PDE12: variants seen among roughly 807,000 people sequenced by gnomAD.
The protein encoded by PDE12 is phosphodiesterase 12.
In PDE12, 26 loss-of-function variants were observed where a neutral mutation model predicts 45.4. The ratio of observed to expected loss-of-function variants is 0.57; its 90% CI spans 0.42 to 0.79. The LOEUF (loss-of-function observed/expected upper bound fraction) is 0.79, where lower values mean the gene tolerates loss of function less well. Ranked by LOEUF, PDE12 falls within the 30% of genes least tolerant of loss-of-function variation. The pLI is 0.00. For synonymous variants in PDE12, 283 were observed against 323.9 expected, an observed-to-expected ratio of 0.87 and a Z score of 1.36; for missense variants, 668 against 790.0, an observed-to-expected ratio of 0.85 and a Z score of 1.85.
chr3:57,563,291 C>A lies in PDE12; in HGVS notation c.*3287C>A, dbSNP rs550018945. The A allele has an allele frequency of 6.6e-6, 1 of 152,130 alleles. No individual in the cohort carries two copies. 9.4% of individuals were successfully genotyped at this position (152,130 alleles called of 1,614,324 possible). A position where few individuals can be genotyped will look rare whatever the true frequency, so the allele number is the denominator to read the frequency against. On this transcript the variant is annotated 3_prime_UTR_variant, in exon 3 of 3. Transcript: ENST00000311180. ...GGCTCAAATGATCCTCCTGCCTCAG[C>A]GTCCCAAGTAGTTGAGATTACAAGC...
chr3:57,620,415 T>G, the PDE12 span, among the ~76,000 whole-genome samples: 1 of 151,960 alleles, frequency 6.6e-6, no homozygotes, highest in Admixed American at 6.6e-5. Flanking sequence ...AAAAGAAAAT[T>G]TTTTAAAAAA....
the PDE12 span, among the ~76,000 whole-genome samples, chr3:57,584,838 G>A: frequency 6.8e-6 from 1 of 146,458 alleles, no homozygotes; most frequent in Non-Finnish European, 1.5e-5. Flanking sequence ...TAAATTCTAT[G>A]AACTACCAGC....
At chr3:57,618,450 T>A in the PDE12 span, among the ~76,000 whole-genome samples, 1 of 152,026 alleles carries the variant, frequency 6.6e-6, no homozygotes, top group Non-Finnish European at 1.5e-5. Flanking sequence ...TGAGACAGGG[T>A]CTCACTCTGT....
the PDE12 span, among the ~76,000 whole-genome samples, chr3:57,608,770 C>T: frequency 6.6e-6 from 1 of 152,166 alleles, no homozygotes; most frequent in Non-Finnish European, 1.5e-5. Flanking sequence ...GAGACTTAGA[C>T]TCCCACATAA....
the PDE12 span, among the ~76,000 whole-genome samples, chr3:57,587,518 AG>A: frequency 6.6e-6 from 1 of 151,970 alleles, no homozygotes; most frequent in Admixed American, 6.6e-5. Context: ...CTCTACTGAT[AG>A]GAATTTTTTT....
the PDE12 span, among the ~76,000 whole-genome samples, chr3:57,620,510 A>G: frequency 6.6e-6 from 1 of 152,222 alleles, no homozygotes; most frequent in Non-Finnish European, 1.5e-5. Context: ...AATAAAGGTC[A>G]TCCAGATTGG....
At position 57,563,104 on chromosome 3, in the gene PDE12, A is replaced by T. The variant is rs1328108935; in HGVS notation, c.*3100A>T. 1 of 152,232 alleles carries T rather than the reference A, an allele frequency of 6.6e-6. No homozygotes were observed. Among genetic ancestry groups the T allele is most frequent in the Non-Finnish European group, 1.5e-5 (1 of 68,040 alleles). 9.4% of individuals were successfully genotyped at this position (152,232 alleles called of 1,614,324 possible). ...TGGTTGGGATAAATCCAATATTTATATATAATGAAAAATAAAAGTTTGCAT... is the reference window on the plus strand; with the variant it reads ...TGGTTGGGATAAATCCAATATTTATTTATAATGAAAAATAAAAGTTTGCAT... On this transcript the variant is annotated 3_prime_UTR_variant, in exon 3 of 3. Coordinates refer to ENST00000311180, the MANE Select transcript of PDE12 (RefSeq NM_177966.7).
At chr3:57,598,069 C>T in the PDE12 span, 1 of 152,148 alleles carries the variant, frequency 6.6e-6, no homozygotes, top group Non-Finnish European at 1.5e-5. Context: ...GGAAGTCTTG[C>T]TTTTCTTGTA....
At chr3:57,614,548 T>G in the PDE12 span, among the ~76,000 whole-genome samples, 28 of 100,760 alleles carry the variant, frequency 2.8e-4, no homozygotes, top group Admixed American at 4.7e-4. Context: ...TTTTTTGTTT[T>G]TTTTTTTTTT....
At chr3:57,584,582 A>G in the PDE12 span, 1 of 842,706 alleles carries the variant, frequency 1.2e-6, no homozygotes, top group South Asian at 1.8e-5. Flanking sequence ...CTTCTAAATG[A>G]GTTAGAAATG....
the PDE12 span, among the ~76,000 whole-genome samples, chr3:57,585,197 T>G: frequency 6.6e-6 from 1 of 152,272 alleles, no homozygotes; most frequent in Admixed American, 6.5e-5. Flanking sequence ...AATTAGAAGT[T>G]GATTCAGACA....
chr3:57,557,495 G>A lies in PDE12; in HGVS notation c.1116G>A (p.Gly372=), dbSNP rs2069679072. Residue 372 remains glycine, a synonymous_variant, in exon 1 of 3, where the codon GGG becomes GGA. Transcript: ENST00000311180. ...CCCTAGAGGCCTTCGGGCTCGAGGG[G>A]GTGTTTCGAATCAAGCAGCACGAAG... ...VPALEAFGLE[G]VFRIKQHEGL... The A allele has an allele frequency of 3.1e-6, 5 of 1,613,980 alleles. No individual in the cohort carries two copies. Among genetic ancestry groups the A allele is most frequent in the Non-Finnish European group, 4.2e-6 (5 of 1,180,006 alleles).
chr3:57,633,580 T>A, the PDE12 span, among the ~76,000 whole-genome samples: 1 of 152,132 alleles, frequency 6.6e-6, no homozygotes, highest in Non-Finnish European at 1.5e-5. Context: ...ATACTGTTCA[T>A]CCCATACTGT....
At chr3:57,634,149 C>A in the PDE12 span, among the ~76,000 whole-genome samples, 1 of 151,872 alleles carries the variant, frequency 6.6e-6, no homozygotes, top group Non-Finnish European at 1.5e-5. Context: ...AAAAGAGACC[C>A]TGGCAGGGCA....
chr3:57,628,020 C>T, the PDE12 span: 2 of 646,146 alleles, frequency 3.1e-6, no homozygotes, highest in South Asian at 5.8e-5. Flanking sequence ...AGTGGAACCA[C>T]CACAGATATC....
chr3:57,556,711 C>T lies in PDE12; in HGVS notation c.332C>T (p.Pro111Leu), dbSNP rs1187098865. The T allele has an allele frequency of 4.4e-6, 7 of 1,596,150 alleles. No individual in the cohort carries two copies. Among genetic ancestry groups the T allele is most frequent in the African/African-American group, 1.3e-5 (1 of 74,710 alleles). ...AGCGGCGGTGCGGCCTGTTCAGGGC[C>T]GGGGCCTGAGCCGGCTGTGTTCTGC... ...NASGGAACSG[P>L]GPEPAVFCEP... The change falls in exon 1 of 3, where the codon CCG (proline) becomes CTG (leucine). Residue 111 changes from proline (P) to leucine (L), a missense_variant. This residue lies in a region of PDE12 where 580 missense variants were observed against 662.9 expected (regional missense o/e 0.87). Coordinates refer to ENST00000311180, the MANE Select transcript of PDE12 (RefSeq NM_177966.7). This position sits in a 1 kb window ranked among gnomAD's most constrained non-coding sequence, Gnocchi z 5.0.
At chr3:57,588,438 T>C in the PDE12 span, among the ~76,000 whole-genome samples, 1 of 152,238 alleles carries the variant, frequency 6.6e-6, no homozygotes, top group Non-Finnish European at 1.5e-5. Context: ...CTGTGCATGG[T>C]GGCTCACACC....
At chr3:57,597,262 G>C in the PDE12 span, 5 of 984,376 alleles carry the variant, frequency 5.1e-6, no homozygotes, top group Non-Finnish European at 7.7e-6. Flanking sequence ...GGAAGAAAGA[G>C]GGAGGCAGAA....
chr3:57,616,421 G>A, the PDE12 span, among the ~76,000 whole-genome samples: 2 of 151,484 alleles, frequency 1.3e-5, no homozygotes, highest in African/African-American at 4.9e-5. Context: ...AGAGGCGGAG[G>A]GAGGAGCAGG....
Sources: gnomAD v4.1 joint callset for allele counts (sites outside exome capture counted in the v4.1 genomes callset) on GRCh38, gnomAD v4.1.1 for gene constraint, gnomAD v4.1.1 regional missense constraint, Gnocchi (gnomAD v3.1) non-coding constraint, MANE v1.5 for transcripts, NCBI Gene and HGNC (gene_info 2026-07-23, HGNC 2026-07-21) for gene names.